STK32C: variants seen among roughly 807,000 people sequenced by gnomAD.
The protein encoded by STK32C is serine/threonine-protein kinase 32C.
STK32C carries 31 observed loss-of-function variants against 56.5 expected under a neutral mutation model. The ratio of observed to expected loss-of-function variants is 0.55; its 90% confidence interval spans 0.41 to 0.74. The LOEUF (loss-of-function observed/expected upper bound fraction) is 0.74. Among genes scored for constraint, STK32C ranks in the 30% least tolerant of loss-of-function variants. The probability of loss-of-function intolerance (pLI) is 0.00; values close to 1 mark genes in which losing one functional copy is unlikely to be tolerated. For synonymous variants in STK32C, 309 were observed against 289.4 expected, an observed-to-expected ratio of 1.07 and a Z score of -0.69; for missense variants, 544 against 676.9, an observed-to-expected ratio of 0.80 and a Z score of 2.18.
At chr10:132,319,976 C>T (rs1426184476), downstream of STK32C, among the ~76,000 whole-genome samples, 4 of 151,336 alleles carry the variant, frequency 2.6e-5, no homozygotes, top group African/African-American at 9.7e-5. Context: ...CAACCTCCGC[C>T]TCCCAGGTTC....
intron 2 of STK32C, among the ~76,000 whole-genome samples, chr10:132,234,571 C>T (rs2063210171): frequency 6.6e-6 from 1 of 152,250 alleles, no homozygotes; most frequent in Non-Finnish European, 1.5e-5. Flanking sequence ...CCCTCCACAC[C>T]CTGCATCCTG....
At chr10:132,209,006 CACGCCCA>C in intron 11 of STK32C, 21 bp downstream of exon 11, 4 of 1,606,880 alleles carry the variant, frequency 2.5e-6, no homozygotes, top group Non-Finnish European at 3.4e-6. Context: ...TCTCTGCCAC[CACGCCCA>C]CCCACCCCCA....
chr10:132,262,206 T>C (rs1254174293), intron 1 of STK32C, among the ~76,000 whole-genome samples: 1 of 152,132 alleles, frequency 6.6e-6, no homozygotes, highest in Non-Finnish European at 1.5e-5. Context: ...GGACTCCCCA[T>C]TCAATAAATG....
chr10:132,323,306 G>T (rs774498685), downstream of STK32C, among the ~76,000 whole-genome samples: 10 of 152,184 alleles, frequency 6.6e-5, no homozygotes, highest in Non-Finnish European at 1.2e-4. The surrounding 1 kb of genome is among the most constrained non-coding windows in gnomAD (Gnocchi z 4.8). Flanking sequence ...TTACTGAGGT[G>T]CTTGCCCTTG....
downstream of STK32C, among the ~76,000 whole-genome samples, chr10:132,321,029 G>T (rs2066396801): frequency 2.0e-5 from 3 of 152,076 alleles, no homozygotes; most frequent in South Asian, 4.1e-4. Context: ...CGTGTGGTTT[G>T]TTTGGCCAAT....
intron 1 of STK32C, among the ~76,000 whole-genome samples, chr10:132,303,326 A>G (rs2138382461): frequency 6.6e-6 from 1 of 152,402 alleles, no homozygotes; most frequent in Admixed American, 6.5e-5. Flanking sequence ...AAGCGCTAGA[A>G]GAAAGTACAG....
Position 132,245,921 on chromosome 10 carries a change from A to G in STK32C, c.297T>C (p.Ile99=). ...TTACCTTGCCAAAGCTGCCCTTCCCAATGGCCCGAAGGATCTGGAAGTGGT... is the reference window on the plus strand; with the variant it reads ...TTACCTTGCCAAAGCTGCCCTTCCCGATGGCCCGAAGGATCTGGAAGTGGT... The part of the protein sequence containing the change: ...NFDHFQILRA[I]GKGSFGKVCI... The change falls in exon 2 of 12, where the codon ATT becomes ATC. Residue 99 remains isoleucine, a synonymous_variant. Transcript: ENST00000298630. 6.2e-7 allele frequency: 1 copy of G among 1,613,254 alleles called. No homozygotes were observed. Among genetic ancestry groups the G allele is most frequent in the Non-Finnish European group, 8.5e-7 (1 of 1,179,950 alleles).
intron 1 of STK32C, among the ~76,000 whole-genome samples, chr10:132,251,224 C>G (rs2063893323): frequency 6.6e-6 from 1 of 152,346 alleles, no homozygotes; most frequent in South Asian, 2.1e-4. Flanking sequence ...AGGCCCTACC[C>G]AGTTTCGCCT....
chr10:132,296,326 G>T (rs1199762905), intron 1 of STK32C, among the ~76,000 whole-genome samples: 1 of 151,868 alleles, frequency 6.6e-6, no homozygotes, highest in Non-Finnish European at 1.5e-5. Context: ...AAGTGACACC[G>T]GGGAACAACT....
chr10:132,225,690 TG>T, intron 5 of STK32C, 56 bp downstream of exon 5: 1 of 1,611,964 alleles, frequency 6.2e-7, no homozygotes, highest in Non-Finnish European at 8.5e-7. Flanking sequence ...CCTCCTCCCC[TG>T]ACAGGCCCAT....
At chr10:132,322,995 C>T (rs1198248739), downstream of STK32C, among the ~76,000 whole-genome samples, 1 of 152,118 alleles carries the variant, frequency 6.6e-6, no homozygotes. Context: ...GAAATGCAGG[C>T]CCTCTAAAAT....
intron 1 of STK32C, among the ~76,000 whole-genome samples, chr10:132,285,909 CAGG>C (rs2065386813): frequency 6.6e-6 from 1 of 152,152 alleles, no homozygotes; most frequent in Non-Finnish European, 1.5e-5. Flanking sequence ...ATCATGAGGT[CAGG>C]AGATGGAGAT....
intron 2 of STK32C, among the ~76,000 whole-genome samples, chr10:132,234,998 G>C (rs1437197981): frequency 1.3e-5 from 2 of 152,214 alleles, no homozygotes; most frequent in Non-Finnish European, 2.9e-5. Flanking sequence ...AAAGCAAGGT[G>C]AAGCTGTGAC....
chr10:132,263,155 G>A (rs2064360568), intron 1 of STK32C, among the ~76,000 whole-genome samples: 1 of 152,188 alleles, frequency 6.6e-6, no homozygotes, highest in Non-Finnish European at 1.5e-5. Context: ...GTTCATTGTG[G>A]TGCTAATCAC....
intron 1 of STK32C, among the ~76,000 whole-genome samples, chr10:132,330,081 C>T (rs1049380983): frequency 1.3e-5 from 2 of 152,228 alleles, no homozygotes; most frequent in Non-Finnish European, 2.9e-5. Context: ...ACGAACACTT[C>T]ATTCGTTCCT....
At chr10:132,212,943 T>C (rs1038804) in intron 10 of STK32C, among the ~76,000 whole-genome samples, 115,035 of 152,162 alleles carry the variant, frequency 0.76, 43,755 homozygotes, top group East Asian at 0.96. Context: ...TGATGGTGTG[T>C]GGGAACACCT....
Position 132,227,056 on chromosome 10 carries a change from C to A in STK32C, c.471-88G>T, listed in dbSNP as rs1353016471. On this transcript the variant is annotated intron_variant, in intron 3 of 11. Coordinates refer to ENST00000298630, the MANE Select transcript of STK32C (RefSeq NM_173575.4). ...ACAGCTGACACACTCCCCCTAAGGA[C>A]CACAGCCCCACCCCAGCATCAGCCA... 2.8e-6 allele frequency: 4 copies of A among 1,436,390 alleles called. No homozygotes were observed. The East Asian group carries it at 7.2e-5, about 26-fold the overall frequency. The allele number at this position is 1,436,390 out of a possible 1,614,324, so 89.0% of individuals were successfully genotyped here. A position where few individuals can be genotyped will look rare whatever the true frequency, so the allele number is the denominator to read the frequency against.
intron 1 of STK32C, among the ~76,000 whole-genome samples, chr10:132,249,889 G>T (rs2063834913): frequency 6.6e-6 from 1 of 152,232 alleles, no homozygotes; most frequent in South Asian, 2.1e-4. Flanking sequence ...GCAAGCCCAG[G>T]CTCAGCCCCA....
At chr10:132,309,955 T>TGAAGATTGG (rs543856885), upstream of STK32C, among the ~76,000 whole-genome samples, 16 of 152,266 alleles carry the variant, frequency 1.1e-4, no homozygotes, top group East Asian at 3.1e-3. Context: ...AAGCTGACTC[T>TGAAGATTGG]GAAGATTGGA....
Sources: gnomAD v4.1 joint callset for allele counts (sites outside exome capture counted in the v4.1 genomes callset) on GRCh38, gnomAD v4.1.1 for gene constraint, Gnocchi (gnomAD v3.1) non-coding constraint, MANE v1.5 for transcripts, NCBI Gene and HGNC (gene_info 2026-07-23, HGNC 2026-07-21) for gene names.